Variants in ALDH6A1 observed in about 807,000 individuals in gnomAD.
ALDH6A1 encodes the protein methylmalonate-semialdehyde/malonate-semialdehyde dehydrogenase [acylating], mitochondrial.
Under a neutral mutation model 62.6 loss-of-function variants are expected in ALDH6A1, and 43 were observed. That is an observed-to-expected ratio of 0.69 (90% CI 0.54 to 0.89). The LOEUF (loss-of-function observed/expected upper bound fraction) is 0.89, where lower values mean the gene tolerates loss of function less well. ALDH6A1 is among the 40% of genes least tolerant of loss of function. ALDH6A1 has a pLI of 0.00. For synonymous variants in ALDH6A1, 194 were observed against 234.2 expected (o/e 0.83, Z 1.57); for missense variants, 551 against 661.3 (o/e 0.83, Z 1.83).
Position 74,066,843 on chromosome 14 carries a change from C to T in ALDH6A1, c.1086G>A (p.Gln362=). The T allele has an allele frequency of 1.2e-5, 20 of 1,614,082 alleles. No individual in the cohort carries two copies. The highest frequency in any genetic ancestry group is 1.7e-5 in the Non-Finnish European group (20 of 1,180,012). ...GADLGPLITP[Q]AKERVCNLID... ...TCAGATTACAGACTCGCTCTTTGGC[C>T]TGGGGAGTGATCAGAGGGCCAAGAT... The change falls in exon 9 of 12, where the codon CAG becomes CAA. Residue 362 remains glutamine, a synonymous_variant. Coordinates refer to ENST00000553458, the MANE Select transcript of ALDH6A1 (RefSeq NM_005589.4).
rs749171349 is a variant in ALDH6A1, at chr14:74,057,637, TATGAA to T, written c.*3000_*3004del. On this transcript the variant is annotated 3_prime_UTR_variant, in exon 12 of 12. Coordinates refer to ENST00000553458, the MANE Select transcript of ALDH6A1 (RefSeq NM_005589.4). ...TAGAGGACAAAGGCTTATAAGGAGA[TATGAA>T]ATGATTTTTTTAAGCCAAGTTTTTC... The T allele has an allele frequency of 1.5e-6, 2 of 1,333,156 alleles. No homozygotes were observed. Among genetic ancestry groups the T allele is most frequent in the Non-Finnish European group, 2.0e-6 (2 of 1,021,332 alleles). The allele number at this position is 1,333,156 out of a possible 1,614,324, so 82.6% of individuals were successfully genotyped here.
At position 74,072,360 on chromosome 14, in the gene ALDH6A1, G is replaced by C. The variant is rs1316321454; in HGVS notation, c.191C>G (p.Thr64Ser). The part of the protein sequence containing the change: ...DKWIDIHNPA[T>S]NEVIGRVPQA... ...AGGGACCCGACCAATGACCTCATTG[G>C]TGGCCTGATGAGAAAAATAAGCACA... The change falls in exon 4 of 12, where the codon ACC (threonine) becomes AGC (serine). Residue 64 changes from threonine (T) to serine (S), a missense_variant. Transcript: ENST00000553458. 1 of 1,614,166 alleles carries C rather than the reference G, an allele frequency of 6.2e-7. No individual in the cohort carries two copies. Among genetic ancestry groups the C allele is most frequent in the African/African-American group, 1.3e-5 (1 of 75,056 alleles).
intron 2 of ALDH6A1, among the ~76,000 whole-genome samples, chr14:74,073,347 C>T (rs1289730675): frequency 1.3e-5 from 2 of 152,004 alleles, no homozygotes; most frequent in Non-Finnish European, 2.9e-5. Flanking sequence ...TCAAGTGATC[C>T]ACCTGCGTCA....
At position 74,071,976 on chromosome 14, in the gene ALDH6A1, TAG is replaced by T; in HGVS notation, c.349-4_349-3del. The T allele has an allele frequency of 6.2e-7, 1 of 1,613,664 alleles. No homozygotes were observed. On this transcript the variant is annotated splice_polypyrimidine_tract_variant and splice_region_variant and intron_variant, in intron 4 of 11. Transcript: ENST00000553458. Reference sequence around the variant, plus strand: ...TGTGATTAACTTGGCAATTTCTTTCTAGAGAGAAGACACACAAATAGAAATTA... The same window carrying T: ...TGTGATTAACTTGGCAATTTCTTTCTAGAGAAGACACACAAATAGAAATTA...
Position 74,058,717 on chromosome 14 carries a change from GC to G in ALDH6A1, c.*1924del. On this transcript the variant is annotated 3_prime_UTR_variant, in exon 12 of 12. Coordinates refer to ENST00000553458, the MANE Select transcript of ALDH6A1 (RefSeq NM_005589.4). ...AAGAGGATTCAATTGGATTGGTACT[GC>G]AAAAAGAATCCATTCTGTTCAGCAC... 6.6e-6 allele frequency: 1 copy of G among 152,200 alleles called. No homozygotes were observed. Among genetic ancestry groups the G allele is most frequent in the South Asian group, 2.1e-4 (1 of 4,822 alleles). The allele number at this position is 152,200 out of a possible 1,614,324, so 9.4% of individuals were successfully genotyped here.
chr14:74,084,211 C>A, intron 1 of ALDH6A1, 136 bp downstream of exon 1: 2 of 1,319,558 alleles, frequency 1.5e-6, no homozygotes, highest in Admixed American at 2.0e-5. Context: ...TGGGACAGGG[C>A]CGCACAGGTC....
Position 74,057,711 on chromosome 14 carries a change from A to G in ALDH6A1, c.*2931T>C. On this transcript the variant is annotated 3_prime_UTR_variant, in exon 12 of 12. Transcript: ENST00000553458. ...TTATAATTTGTTATTCATAATTAGT[A>G]CAATGTAGAATCTGAGAAATTTCAA... The G allele has an allele frequency of 8.2e-7, 1 of 1,218,086 alleles. No individual in the cohort carries two copies. The allele number at this position is 1,218,086 out of a possible 1,614,324, so 75.5% of individuals were successfully genotyped here.
chr14:74,068,892 A>G lies in ALDH6A1; in HGVS notation c.820T>C (p.Ser274Pro). Residue 274 changes from serine to proline, a missense_variant, in exon 7 of 12, where the codon TCA (serine) becomes CCA (proline). Ser to Pro is a moderately conservative substitution (Grantham distance 74, BLOSUM62 -1). Transcript: ENST00000553458. ...KAGEYIFERGSRHGKRVQANM... is the reference protein window; with the variant it reads ...KAGEYIFERGPRHGKRVQANM... ...GCTTGAACCCTCTTGCCATGTCTTG[A>G]TCCTCTCTCGAAGATATACTCTCCT... The G allele has an allele frequency of 6.2e-6, 10 of 1,614,036 alleles. No individual in the cohort carries two copies. The highest frequency in any genetic ancestry group is 7.6e-6 in the Non-Finnish European group (9 of 1,179,972).
intron 11 of ALDH6A1, among the ~76,000 whole-genome samples, chr14:74,062,700 A>C (rs1163370352): frequency 6.6e-6 from 1 of 152,202 alleles, no homozygotes; most frequent in Non-Finnish European, 1.5e-5. Flanking sequence ...ATTTGGCCAC[A>C]CTGTCATAAT....
In ALDH6A1 at chr14:74,084,420, C is replaced by A. The variant is rs1294075372; in HGVS notation, c.-26G>T. ...GGCTCTCGGCCGCCCTAGCTCCGCA[C>A]CCCGCGCCTCTACTGCCCAGAAGCA... On this transcript the variant is annotated 5_prime_UTR_variant, in exon 1 of 12. Coordinates refer to ENST00000553458, the MANE Select transcript of ALDH6A1 (RefSeq NM_005589.4). 1.9e-5 allele frequency: 30 copies of A among 1,611,948 alleles called. No individual in the cohort carries two copies. The highest frequency in any genetic ancestry group is 2.5e-5 in the Non-Finnish European group (29 of 1,179,638).
In ALDH6A1 at chr14:74,057,758, AAG is replaced by A; in HGVS notation, c.*2882_*2883del. ...TCAAATGAAGCCACATTAGAACAAA[AAG>A]AAAATACTGACTTTTTAGCCGCGAT... On this transcript the variant is annotated 3_prime_UTR_variant, in exon 12 of 12. Transcript: ENST00000553458. The A allele has an allele frequency of 8.8e-7, 1 of 1,134,282 alleles. No homozygotes were observed. Among genetic ancestry groups the A allele is most frequent in the Non-Finnish European group, 1.1e-6 (1 of 914,268 alleles). The allele number at this position is 1,134,282 out of a possible 1,614,324, so 70.3% of individuals were successfully genotyped here.
chr14:74,063,648 C>T (rs1479970571), intron 11 of ALDH6A1, among the ~76,000 whole-genome samples: 1 of 151,046 alleles, frequency 6.6e-6, no homozygotes, highest in Non-Finnish European at 1.5e-5. Flanking sequence ...GGCGGATCAC[C>T]TGAGGTCAGG....
At position 74,061,389 on chromosome 14, in the gene ALDH6A1, C is replaced by T. The variant is rs568110845; in HGVS notation, c.1504-643G>A. On this transcript the variant is annotated intron_variant, in intron 11 of 11. Transcript: ENST00000553458. ...TGATCTTGGCTCACTGCAACCTCTG[C>T]CTCCCAGGTTCATGTGATTCTCCTG... Among the ~76,000 whole-genome samples the T allele has an allele frequency of 1.3e-4, 20 of 152,166 alleles. No individual in the cohort carries two copies. The South Asian group carries it at 4.2e-3, about 32-fold the overall frequency.
At chr14:74,060,960 A>T (rs1022204741) in intron 11 of ALDH6A1, among the ~76,000 whole-genome samples, 1 of 151,980 alleles carries the variant, frequency 6.6e-6, no homozygotes, top group African/African-American at 2.4e-5. Context: ...AGCCATCATT[A>T]TTATGCTGAA....
At chr14:74,072,119 G>A in intron 4 of ALDH6A1, 84 bp downstream of exon 4, 1 of 1,598,978 alleles carries the variant, frequency 6.3e-7, no homozygotes, top group South Asian at 1.1e-5. Context: ...CAGAGTAAGG[G>A]AGGGTGGCTG....
chr14:74,073,508 C>T (rs1319702500), intron 2 of ALDH6A1, among the ~76,000 whole-genome samples: 7 of 152,040 alleles, frequency 4.6e-5, no homozygotes, highest in Admixed American at 2.6e-4. Context: ...AGTAGAAACA[C>T]GATATTATGA....
chr14:74,065,662 A>G (rs1463153225), intron 9 of ALDH6A1: 1 of 331,010 alleles, frequency 3.0e-6, no homozygotes. Context: ...CTGAACGACT[A>G]GTTTCATCCA....
chr14:74,067,362 A>G lies in ALDH6A1; in HGVS notation c.1042+18T>C. On this transcript the variant is annotated intron_variant, in intron 8 of 11. Transcript: ENST00000553458. ...CACAGATGCAAAATCTAAGGGGGCAAGTCAGGTGATTGATTACCTGCATTG... is the reference window on the plus strand; with the variant it reads ...CACAGATGCAAAATCTAAGGGGGCAGGTCAGGTGATTGATTACCTGCATTG... 1 of 1,612,344 alleles carries G rather than the reference A, an allele frequency of 6.2e-7. No individual in the cohort carries two copies. The highest frequency in any genetic ancestry group is 1.1e-5 in the South Asian group (1 of 91,002).
intron 2 of ALDH6A1, among the ~76,000 whole-genome samples, chr14:74,074,318 C>T (rs1169475167): frequency 1.4e-5 from 2 of 144,972 alleles, no homozygotes; most frequent in East Asian, 2.0e-4. Flanking sequence ...AACGGAGTCT[C>T]GCTCTGTCAT....
Sources: allele counts gnomAD v4.1 joint callset (sites outside exome capture counted in the v4.1 genomes callset), GRCh38; gene constraint gnomAD v4.1.1; transcripts MANE v1.5; gene names NCBI Gene and HGNC (gene_info 2026-07-23, HGNC 2026-07-21).